The following CDA variants were observed in gnomAD, a reference collection of about 807,000 sequenced individuals.
CDA encodes the protein cytidine aminohydrolase.
In CDA, 7 loss-of-function variants were observed where a neutral mutation model predicts 15.0. That is an observed-to-expected ratio of 0.47 (90% CI 0.26 to 0.87). CDA has a LOEUF of 0.87. CDA is among the 40% of genes least tolerant of loss of function. The pLI is 0.15. For synonymous variants in CDA, 58 were observed against 73.0 expected (o/e 0.79, Z 1.05); for missense variants, 159 against 182.7 (o/e 0.87, Z 0.75).
intron 2 of CDA, among the ~76,000 whole-genome samples, chr1:20,605,659 CAAA>C (rs59282672): frequency 9.7e-5 from 10 of 102,786 alleles, no homozygotes; most frequent in African/African-American, 3.4e-4. Context: ...GACTCCGTCT[CAAA>C]AAAAAAAAAA....
chr1:20,598,735 A>G (rs1187895323), intron 1 of CDA, among the ~76,000 whole-genome samples: 1 of 152,138 alleles, frequency 6.6e-6, no homozygotes, highest in Non-Finnish European at 1.5e-5. Flanking sequence ...TCACGACCTA[A>G]TCTAAACCTG....
chr1:20,589,279 C>T lies in CDA; in HGVS notation c.150C>T (p.Phe50=), dbSNP rs753731133. The part of the protein sequence containing the change: ...AALLTQEGRI[F]KGCNIENACY... ...TGCTCACCCAGGAGGGGAGAATCTT[C>T]AAAGGTAAAGGTGGGCACCCCAGGG... is the stretch of plus-strand genomic sequence containing the variant. The change falls in exon 1 of 4, where the codon TTC becomes TTT. Residue 50 remains phenylalanine (F), a synonymous_variant. Coordinates refer to ENST00000375071, the MANE Select transcript of CDA (RefSeq NM_001785.3). 1 of 1,613,888 alleles carries T rather than the reference C, an allele frequency of 6.2e-7. No individual in the cohort carries two copies. Among genetic ancestry groups the T allele is most frequent in the South Asian group, 1.1e-5 (1 of 91,076 alleles).
At chr1:20,591,840 T>G (rs561690107) in intron 1 of CDA, among the ~76,000 whole-genome samples, 56 of 126,588 alleles carry the variant, frequency 4.4e-4, no homozygotes, top group Admixed American at 1.6e-3. Flanking sequence ...TATTTATGGG[T>G]TTTTTTTTGT....
chr1:20,594,113 T>G (rs1255369868), intron 1 of CDA, among the ~76,000 whole-genome samples: 1 of 152,188 alleles, frequency 6.6e-6, no homozygotes, highest in African/African-American at 2.4e-5. Context: ...TTTCTCCAGC[T>G]AAACACAAGA....
chr1:20,610,070 T>C (rs1366215946), intron 2 of CDA, among the ~76,000 whole-genome samples: 2 of 152,112 alleles, frequency 1.3e-5, no homozygotes, highest in African/African-American at 2.4e-5. Flanking sequence ...GGGTGGTTGA[T>C]CAGTTGCCTA....
At position 20,589,270 on chromosome 1, in the gene CDA, G is replaced by A. The variant is rs889287619; in HGVS notation, c.141G>A (p.Gly47=). Residue 47 remains glycine, a synonymous_variant, in exon 1 of 4, where the codon GGG becomes GGA. Transcript: ENST00000375071. ...PVGAALLTQE[G]RIFKGCNIEN... ...GGGCTGCCCTGCTCACCCAGGAGGGGAGAATCTTCAAAGGTAAAGGTGGGC... is the reference window on the plus strand; with the variant it reads ...GGGCTGCCCTGCTCACCCAGGAGGGAAGAATCTTCAAAGGTAAAGGTGGGC... 1.9e-6 allele frequency: 3 copies of A among 1,614,008 alleles called. No individual in the cohort carries two copies. Among genetic ancestry groups the A allele is most frequent in the Admixed American group, 3.3e-5 (2 of 60,012 alleles).
At chr1:20,615,659 G>C (rs1024954205) in intron 3 of CDA, among the ~76,000 whole-genome samples, 1 of 151,934 alleles carries the variant, frequency 6.6e-6, no homozygotes, top group African/African-American at 2.4e-5. Flanking sequence ...CAAAAGATTA[G>C]AGAATCCCAC....
At chr1:20,597,464 C>T (rs903530046) in intron 1 of CDA, among the ~76,000 whole-genome samples, 1 of 152,286 alleles carries the variant, frequency 6.6e-6, no homozygotes, top group Non-Finnish European at 1.5e-5. Flanking sequence ...AAGAGTCCAT[C>T]GTATCTCACA....
intron 1 of CDA, among the ~76,000 whole-genome samples, chr1:20,592,441 G>T (rs372078873): frequency 1.3e-5 from 2 of 152,218 alleles, no homozygotes; most frequent in East Asian, 1.9e-4. Context: ...GAGGCAGATT[G>T]TGGAGGACTT....
chr1:20,618,754 C>A lies in CDA; in HGVS notation c.*186C>A. 3.4e-6 allele frequency: 2 copies of A among 591,332 alleles called. No individual in the cohort carries two copies. Among genetic ancestry groups the A allele is most frequent in the Non-Finnish European group, 6.1e-6 (2 of 327,352 alleles). 36.6% of individuals were successfully genotyped at this position (591,332 alleles called of 1,614,324 possible). A position where few individuals can be genotyped will look rare whatever the true frequency, so the allele number is the denominator to read the frequency against. On this transcript the variant is annotated 3_prime_UTR_variant, in exon 4 of 4. Transcript: ENST00000375071. ...GCAACCTGCCTTGGGACTTAGAACA[C>A]CGCCGCCCCCTGCCCCACCTTTCCT...
At chr1:20,597,373 G>A (rs561124516) in intron 1 of CDA, among the ~76,000 whole-genome samples, 3 of 152,286 alleles carry the variant, frequency 2.0e-5, no homozygotes, top group East Asian at 1.9e-4. Flanking sequence ...CCTGGGAGGC[G>A]GAGCTTGCAG....
chr1:20,615,686 CATA>C (rs2154532895), intron 3 of CDA, among the ~76,000 whole-genome samples: 1 of 152,080 alleles, frequency 6.6e-6, no homozygotes, highest in South Asian at 2.1e-4. Context: ...TGAGCTCCAG[CATA>C]ATATCAAGAG....
At chr1:20,618,064 A>T in intron 3 of CDA, among the ~76,000 whole-genome samples, 1 of 151,654 alleles carries the variant, frequency 6.6e-6, no homozygotes, top group Admixed American at 6.6e-5. Flanking sequence ...AGAACAGACT[A>T]ATACACTGAG....
chr1:20,605,529 G>A (rs818192), intron 2 of CDA, among the ~76,000 whole-genome samples: 65,817 of 119,362 alleles, frequency 0.55, 25,708 homozygotes, highest in East Asian at 0.69. Context: ...GCGTGGTGGC[G>A]GATGCTTGTA....
chr1:20,613,209 T>C (rs2052770059), intron 2 of CDA, among the ~76,000 whole-genome samples: 1 of 151,474 alleles, frequency 6.6e-6, no homozygotes, highest in Non-Finnish European at 1.5e-5. Context: ...TTCTGCAATT[T>C]TTTTTTTTTT....
chr1:20,611,965 T>C (rs1570386034), intron 2 of CDA, among the ~76,000 whole-genome samples: 1 of 151,908 alleles, frequency 6.6e-6, no homozygotes, highest in Non-Finnish European at 1.5e-5. Flanking sequence ...CAGGCTCGAG[T>C]GATCCTCCCA....
chr1:20,595,186 G>A (rs554624598), intron 1 of CDA, among the ~76,000 whole-genome samples: 2 of 152,114 alleles, frequency 1.3e-5, no homozygotes, highest in Non-Finnish European at 2.9e-5. Flanking sequence ...CTCTCCGTCT[G>A]CCATTTAGGG....
intron 1 of CDA, among the ~76,000 whole-genome samples, chr1:20,597,828 C>T (rs2052603709): frequency 1.3e-5 from 2 of 151,580 alleles, no homozygotes; most frequent in South Asian, 4.2e-4. Flanking sequence ...AGAAGCAAAA[C>T]AAAATTGCAC....
At chr1:20,613,973 C>T in intron 3 of CDA, 74 bp downstream of exon 3, 1 of 1,219,498 alleles carries the variant, frequency 8.2e-7, no homozygotes, top group Non-Finnish European at 1.2e-6. Flanking sequence ...CGCCAAGTTG[C>T]AGGCATGGCA....
Sources: gnomAD v4.1 joint callset for allele counts (sites outside exome capture counted in the v4.1 genomes callset) on GRCh38, gnomAD v4.1.1 for gene constraint, MANE v1.5 for transcripts, NCBI Gene and HGNC (gene_info 2026-07-23, HGNC 2026-07-21) for gene names.